Variants in FBXO38 observed in about 807,000 individuals in gnomAD.
FBXO38 encodes the protein F-box protein 38, also known as F-box only protein 38.
FBXO38 carries 53 observed loss-of-function variants against 131.9 expected under a neutral mutation model. The ratio of observed to expected loss-of-function variants is 0.40; its 90% CI spans 0.32 to 0.51. The LOEUF (loss-of-function observed/expected upper bound fraction) is 0.51, where lower values mean the gene tolerates loss of function less well. Among genes scored for constraint, FBXO38 ranks in the 20% least tolerant of loss-of-function variants. The pLI is 0.53. For missense variants in FBXO38, 1,076 were observed against 1,475.6 expected, an observed-to-expected ratio of 0.73 and a Z score of 4.44; for synonymous variants, 452 against 505.6, an observed-to-expected ratio of 0.89 and a Z score of 1.42.
chr5:148,384,327 A>G (rs1757797614), intron 1 of FBXO38, among the ~76,000 whole-genome samples: 1 of 152,210 alleles, frequency 6.6e-6, no homozygotes. Flanking sequence ...GAAATGGGTG[A>G]GGGTGTTGGA....
In FBXO38 at chr5:148,427,235, A is replaced by T. The variant is rs1295146827; in HGVS notation, c.1941A>T (p.Pro647=). ...CAGTAAGTGGAAAAGGCAAGACTCC[A>T]CTTCGAAAGAGGTACAACTCCCATC... The part of the protein sequence containing the change: ...ELSVSGKGKT[P]LRKRYNSHQM... Residue 647 remains proline, a synonymous_variant, in exon 15 of 22, where the codon CCA becomes CCT. Coordinates refer to ENST00000340253, the MANE Select transcript of FBXO38 (RefSeq NM_205836.3). 3.1e-6 allele frequency: 5 copies of T among 1,600,316 alleles called. No homozygotes were observed. The highest frequency in any genetic ancestry group is 1.1e-5 in the South Asian group (1 of 89,274).
intron 8 of FBXO38, chr5:148,410,301 C>A (rs1399716838): frequency 3.9e-6 from 1 of 258,464 alleles, no homozygotes; most frequent in Non-Finnish European, 7.4e-6. Context: ...CCATGCTGTC[C>A]TCATGATAGT....
chr5:148,417,310 C>A, intron 12 of FBXO38, 106 bp downstream of exon 12: 9 of 820,038 alleles, frequency 1.1e-5, no homozygotes, highest in Non-Finnish European at 1.8e-5. Flanking sequence ...TTGTCACTTT[C>A]CACATTGAGG....
chr5:148,406,499 G>C, intron 7 of FBXO38, 105 bp downstream of exon 7: 4 of 843,470 alleles, frequency 4.7e-6, no homozygotes, highest in Non-Finnish European at 7.0e-6. Flanking sequence ...GAAAATGCTC[G>C]TCAGTAACTG....
At chr5:148,436,839 A>C (rs566682982) in intron 17 of FBXO38, among the ~76,000 whole-genome samples, 1 of 152,298 alleles carries the variant, frequency 6.6e-6, no homozygotes, top group East Asian at 1.9e-4. Context: ...TTTGGTCCTA[A>C]AACATCTTAA....
rs775881131 is a variant in FBXO38, at chr5:148,427,443, T to C, written c.2149T>C (p.Ser717Pro). 6.2e-7 allele frequency: 1 copy of C among 1,614,174 alleles called. No individual in the cohort carries two copies. The highest frequency in any genetic ancestry group is 1.3e-5 in the African/African-American group (1 of 75,052). The change falls in exon 15 of 22, where the codon TCA (serine) becomes CCA (proline). Residue 717 changes from serine (S) to proline (P), a missense_variant. By Grantham distance (74) the Ser-to-Pro change is moderately conservative. This residue lies in a region of FBXO38 where 213 missense variants were observed against 225.2 expected (regional missense o/e 0.95). Coordinates refer to ENST00000340253, the MANE Select transcript of FBXO38 (RefSeq NM_205836.3). ...CGCCAGCACAGTGGGAAACTCCAGC[T>C]CACACAACACTGCTTCTCAAAGCCC... Reference protein sequence around the residue: ...TTASTVGNSSSHNTASQSPDF... With the variant: ...TTASTVGNSSPHNTASQSPDF...
intron 17 of FBXO38, 38 bp downstream of exon 17, chr5:148,433,775 A>T (rs1754180868): frequency 8.7e-7 from 1 of 1,152,872 alleles, no homozygotes; most frequent in African/African-American, 1.6e-5. Flanking sequence ...GAGTATCATG[A>T]ATGAGTTAAA....
At chr5:148,386,436 A>T (rs770006284) in intron 1 of FBXO38, among the ~76,000 whole-genome samples, 2 of 152,094 alleles carry the variant, frequency 1.3e-5, no homozygotes, top group Non-Finnish European at 2.9e-5. Context: ...TGTGAATATG[A>T]ACCCCCTGAA....
At chr5:148,410,890 A>C (rs1752710231) in intron 9 of FBXO38, 125 bp downstream of exon 9, 5 of 807,810 alleles carry the variant, frequency 6.2e-6, no homozygotes, top group Admixed American at 3.5e-5. Context: ...AGGTGCTCTC[A>C]CGTCTTGAAA....
At chr5:148,399,230 T>C (rs1752002070) in intron 3 of FBXO38, 98 bp downstream of exon 3, 2 of 1,393,584 alleles carry the variant, frequency 1.4e-6, no homozygotes, top group African/African-American at 1.4e-5. Context: ...AAAGGCAATC[T>C]AAGTCACCTT....
intron 12 of FBXO38, among the ~76,000 whole-genome samples, chr5:148,417,755 T>C (rs1047508208): frequency 6.6e-6 from 1 of 152,206 alleles, no homozygotes; most frequent in East Asian, 1.9e-4. Context: ...ACTTACGGTG[T>C]GCCAACCCAT....
Position 148,402,426 on chromosome 5 carries a change from C to T in FBXO38, c.505C>T (p.Arg169Cys). The T allele has an allele frequency of 2.5e-6, 4 of 1,612,916 alleles. No homozygotes were observed. Among genetic ancestry groups the T allele is most frequent in the South Asian group, 2.2e-5 (2 of 90,996 alleles). Reference protein sequence around the residue: ...MPHVHILGKFRNRNGAFPIPP... With the variant: ...MPHVHILGKFCNRNGAFPIPP... ...CCATGTTCATATTTTGGGGAAATTT[C>T]GTAATCGTAATGGAGCTTTTCCAAT... The change falls in exon 5 of 22, where the codon CGT becomes TGT. Residue 169 changes from arginine to cysteine, a missense_variant. Physicochemically the swap from Arg to Cys is radical, Grantham distance 180. Around this residue, in one of 8 missense-constraint regions of FBXO38, gnomAD observed 96 missense variants for 193.9 expected, o/e 0.50. Transcript: ENST00000340253.
intron 1 of FBXO38, among the ~76,000 whole-genome samples, chr5:148,384,448 TGAG>T (rs1299324847): frequency 6.6e-6 from 1 of 152,166 alleles, no homozygotes; most frequent in Admixed American, 6.5e-5. Flanking sequence ...TTCAGCGTAG[TGAG>T]GAGATGTCCC....
chr5:148,406,675 G>A (rs1752461719), intron 7 of FBXO38, among the ~76,000 whole-genome samples: 1 of 151,984 alleles, frequency 6.6e-6, no homozygotes, highest in Non-Finnish European at 1.5e-5. Flanking sequence ...TCTTATGTAT[G>A]GAATCTTTCT....
chr5:148,405,975 G>A (rs756619296), intron 6 of FBXO38, among the ~76,000 whole-genome samples: 1 of 152,266 alleles, frequency 6.6e-6, no homozygotes, highest in East Asian at 1.9e-4. Context: ...TTTTTATCTT[G>A]ACTTTTTCCC....
chr5:148,420,204 C>T (rs1358364372), intron 12 of FBXO38, among the ~76,000 whole-genome samples: 1 of 150,822 alleles, frequency 6.6e-6, no homozygotes, highest in Non-Finnish European at 1.5e-5. Context: ...CTCACTGTAG[C>T]CTCAAACTCC....
chr5:148,429,786 G>C (rs1054413983), intron 15 of FBXO38, among the ~76,000 whole-genome samples: 3 of 151,964 alleles, frequency 2.0e-5, no homozygotes, highest in African/African-American at 7.2e-5. Flanking sequence ...AAGTTTTGAT[G>C]TTATTTTTTG....
At chr5:148,435,718 C>T (rs766817327) in intron 17 of FBXO38, among the ~76,000 whole-genome samples, 1 of 152,046 alleles carries the variant, frequency 6.6e-6, no homozygotes, top group African/African-American at 2.4e-5. Flanking sequence ...TGCAGTGAGC[C>T]GAGACTGCGC....
intron 5 of FBXO38, 135 bp from the exon 6 acceptor site, chr5:148,404,550 G>A (rs1304903964): frequency 3.9e-5 from 29 of 737,560 alleles, no homozygotes; most frequent in Non-Finnish European, 5.6e-5. Flanking sequence ...GATAGATTTT[G>A]TATAATTTGT....
Sources: gnomAD v4.1 joint callset for allele counts (sites outside exome capture counted in the v4.1 genomes callset) on GRCh38, gnomAD v4.1.1 for gene constraint, gnomAD v4.1.1 regional missense constraint, MANE v1.5 for transcripts, NCBI Gene and HGNC (gene_info 2026-07-23, HGNC 2026-07-21) for gene names.